MYH11: variants seen among roughly 807,000 people sequenced by gnomAD.
MYH11 encodes the protein myosin heavy chain 11.
A neutral mutation model predicts 246.6 loss-of-function variants in MYH11; 80 were observed. The observed-to-expected ratio is 0.32, with a 90% CI of 0.27 to 0.39. MYH11 has a LOEUF of 0.39. Ranked by LOEUF, MYH11 falls within the 10% of genes least tolerant of loss-of-function variation. The pLI is 1.00. For synonymous variants in MYH11, 1,071 were observed against 1,015.5 expected (o/e 1.05, Z -1.04); for missense variants, 2,158 against 2,546.8 (o/e 0.85, Z 3.29).
chr16:15,729,041 G>C (rs931279119), intron 27 of MYH11, among the ~76,000 whole-genome samples: 2 of 152,042 alleles, frequency 1.3e-5, no homozygotes, highest in Non-Finnish European at 2.9e-5. Flanking sequence ...GGAGGTGCTG[G>C]ACGTTGACCG....
At chr16:15,724,044 C>T in intron 31 of MYH11, 117 bp downstream of exon 31, 8 of 1,547,108 alleles carry the variant, frequency 5.2e-6, no homozygotes, top group Non-Finnish European at 7.0e-6. Context: ...TCCCATGGCT[C>T]CCCACAGAGT....
In MYH11 at chr16:15,788,075, A is replaced by ATTTTTTTTTTTTTTTTTTTTTTT. The variant is rs1555569323; in HGVS notation, c.531-1344_531-1343insAAAAAAAAAAAAAAAAAAAAAAA. Among the ~76,000 whole-genome samples the ATTTTTTTTTTTTTTTTTTTTTTT allele has an allele frequency of 1.6e-4, 7 of 42,716 alleles. 1 individual carries two copies. Among genetic ancestry groups the ATTTTTTTTTTTTTTTTTTTTTTT allele is most frequent in the African/African-American group, 5.2e-4 (4 of 7,624 alleles). 28.0% of individuals were successfully genotyped at this position (42,716 alleles called of 152,430 possible). A position where few individuals can be genotyped will look rare whatever the true frequency, so the allele number is the denominator to read the frequency against. On this transcript the variant is annotated intron_variant, in intron 4 of 40. Transcript: ENST00000300036. Reference sequence around the variant, plus strand: ...ATGTCCTCCTGGAATATGAAGGTAGATCTTTTTTTTTTTTTTTTTTACCAA... The same window carrying ATTTTTTTTTTTTTTTTTTTTTTT: ...ATGTCCTCCTGGAATATGAAGGTAGATTTTTTTTTTTTTTTTTTTTTTTTCTTTTTTTTTTTTTTTTTTACCAA...
intron 30 of MYH11, 44 bp downstream of exon 30, chr16:15,724,603 A>G: frequency 5.0e-6 from 8 of 1,612,794 alleles, no homozygotes; most frequent in Non-Finnish European, 5.9e-6. Flanking sequence ...AGCGCAGAGA[A>G]GTTGAGAGGA....
rs546565247 is a variant in MYH11, at chr16:15,786,411, G to A, written c.633+219C>T. On this transcript the variant is annotated intron_variant, in intron 5 of 40. Coordinates refer to ENST00000300036, the MANE Select transcript of MYH11 (RefSeq NM_002474.3). ...AGGGCTTATTCTCATTTCACAAAAC[G>A]GGCCCCCTTCTGGAGGGATGCTTCT... is the stretch of plus-strand genomic sequence containing the variant. 32 of 748,994 alleles carry A rather than the reference G, an allele frequency of 4.3e-5. No individual in the cohort carries two copies. The Middle Eastern group carries it at 1.4e-3, about 33-fold the overall frequency. The allele number at this position is 748,994 out of a possible 1,614,324, so 46.4% of individuals were successfully genotyped here.
rs372844456 is a variant in MYH11, at chr16:15,830,225, C to T, written c.346-6814G>A. 2.4e-4 allele frequency among the ~76,000 whole-genome samples: 36 copies of T among 152,218 alleles called. No individual in the cohort carries two copies. The East Asian group carries it at 5.2e-3, about 22-fold the overall frequency. ...GCATACAGACCTACCCCTGAGCTTC[C>T]TCAGTAAAGTGATGGATAATCACGG... On this transcript the variant is annotated intron_variant, in intron 2 of 40. Transcript: ENST00000300036.
At chr16:15,823,189 A>G (rs1358512723) in intron 3 of MYH11, 66 bp downstream of exon 3, 1 of 1,605,420 alleles carries the variant, frequency 6.2e-7, no homozygotes, top group Non-Finnish European at 8.5e-7. Flanking sequence ...CCTGGCAAGA[A>G]CTGCAGACAA....
chr16:15,722,592 C>G (rs1252433906), intron 31 of MYH11, among the ~76,000 whole-genome samples: 1 of 152,128 alleles, frequency 6.6e-6, no homozygotes, highest in Non-Finnish European at 1.5e-5. Context: ...GATAACGAAG[C>G]ATTGAAGATG....
At chr16:15,741,041 C>T (rs762642469) in intron 22 of MYH11, 10 of 332,278 alleles carry the variant, frequency 3.0e-5, no homozygotes, top group African/African-American at 6.4e-5. Context: ...GATGAGCCTT[C>T]AGATGACTGC....
At chr16:15,768,869 G>A (rs1024040689) in intron 9 of MYH11, among the ~76,000 whole-genome samples, 1 of 152,150 alleles carries the variant, frequency 6.6e-6, no homozygotes, top group Non-Finnish European at 1.5e-5. Flanking sequence ...CTGGGGACTG[G>A]GCATGGTGGC....
chr16:15,834,417 T>C (rs912764251), intron 2 of MYH11, among the ~76,000 whole-genome samples: 3 of 151,350 alleles, frequency 2.0e-5, no homozygotes, highest in Admixed American at 2.0e-4. Context: ...TCCCAGCTAC[T>C]CGGGAGGCTG....
At chr16:15,759,441 A>G in intron 12 of MYH11, 135 bp downstream of exon 12, 18 of 1,149,200 alleles carry the variant, frequency 1.6e-5, no homozygotes, top group Non-Finnish European at 2.2e-5. Context: ...ACCCTCAATG[A>G]TCCACCCTTA....
chr16:15,793,089 C>A (rs2042653714), intron 4 of MYH11, among the ~76,000 whole-genome samples: 1 of 152,034 alleles, frequency 6.6e-6, no homozygotes, highest in African/African-American at 2.4e-5. Context: ...GGAAGCACCC[C>A]CTTACCTCTC....
intron 3 of MYH11, among the ~76,000 whole-genome samples, chr16:15,817,444 A>G (rs1271104570): frequency 6.6e-6 from 1 of 152,120 alleles, no homozygotes; most frequent in Admixed American, 6.6e-5. Context: ...GTGAGCAGAA[A>G]TCATACCACT....
At chr16:15,773,218 A>G (rs1434223370) in intron 8 of MYH11, among the ~76,000 whole-genome samples, 4 of 151,646 alleles carry the variant, frequency 2.6e-5, no homozygotes, top group East Asian at 1.9e-4. Flanking sequence ...AAGTTTAGAT[A>G]GTATCTAGTG....
chr16:15,719,654 G>A lies in MYH11; in HGVS notation c.5013C>T (p.Ile1671=). The A allele has an allele frequency of 1.9e-6, 3 of 1,614,196 alleles. No individual in the cohort carries two copies. The highest frequency in any genetic ancestry group is 2.5e-6 in the Non-Finnish European group (3 of 1,180,030). Residue 1671 remains isoleucine (I), a synonymous_variant, in exon 35 of 41, where the codon ATC becomes ATT. Coordinates refer to ENST00000300036, the MANE Select transcript of MYH11 (RefSeq NM_002474.3). ...TCTCATTCTCTTTGGCTGTGGCAAA[G>A]ATCTCATCTCTGGAGGCACGGGCAT... is the stretch of plus-strand genomic sequence containing the variant. The part of the protein sequence containing the change: ...LEDARASRDE[I]FATAKENEKK...
rs1316049095 is a variant in MYH11 at position 15,735,192 on chromosome 16, AG to A, written c.3506+173del. On this transcript the variant is annotated intron_variant, in intron 26 of 40. Transcript: ENST00000300036. ...AGACTGCCTCAAAAAAAAAAAAAAA[AG>A]AAAGAAAAAAAAGAAACAGCCAACC... Among the ~76,000 whole-genome samples the A allele has an allele frequency of 2.3e-4, 34 of 146,906 alleles. No homozygotes were observed. In the East Asian group the frequency reaches 5.4e-3, roughly 23 times the overall value.
chr16:15,719,795 C>T, intron 34 of MYH11, 82 bp from the exon 35 acceptor site: 1 of 1,582,992 alleles, frequency 6.3e-7, no homozygotes, highest in Non-Finnish European at 8.6e-7. Flanking sequence ...TGCACACCCA[C>T]CCCTTGGATT....
intron 1 of MYH11, among the ~76,000 whole-genome samples, chr16:15,842,400 A>G (rs535232424): frequency 1.2e-4 from 19 of 152,102 alleles, no homozygotes; most frequent in Non-Finnish European, 2.4e-4. Context: ...CAAAAAAACG[A>G]AAAACAAACC....
chr16:15,723,218 G>A (rs374048914), intron 31 of MYH11, among the ~76,000 whole-genome samples: 2 of 152,136 alleles, frequency 1.3e-5, no homozygotes, highest in Non-Finnish European at 2.9e-5. Flanking sequence ...CCCAAAAGAA[G>A]CAAAATTGTG....
Sources: gnomAD v4.1 joint callset for allele counts (sites outside exome capture counted in the v4.1 genomes callset) on GRCh38, gnomAD v4.1.1 for gene constraint, MANE v1.5 for transcripts, NCBI Gene and HGNC (gene_info 2026-07-23, HGNC 2026-07-21) for gene names.